CNTN5: variants seen among roughly 807,000 people sequenced by gnomAD.
CNTN5 encodes contactin 5, also known as contactin-5.
A neutral mutation model predicts 129.1 loss-of-function variants in CNTN5; 77 were observed. The ratio of observed to expected loss-of-function variants is 0.60; its 90% CI spans 0.50 to 0.72. The LOEUF is 0.72. CNTN5 is among the 30% of genes least tolerant of loss of function. The probability of loss-of-function intolerance (pLI) is 0.00; values close to 1 mark genes in which losing one functional copy is unlikely to be tolerated. For missense variants in CNTN5, 1,478 were observed against 1,328.8 expected (o/e 1.11, Z -1.75); for synonymous variants, 509 against 465.6 (o/e 1.09, Z -1.20).
intron 2 of CNTN5, among the ~76,000 whole-genome samples, chr11:99,513,733 G>A (rs866358145): frequency 4.0e-5 from 6 of 150,052 alleles, no homozygotes; most frequent in African/African-American, 4.9e-5. Flanking sequence ...AATGCTCAGA[G>A]AAAAAAAAAA....
chr11:99,835,466 A>C (rs1346001966), intron 4 of CNTN5, among the ~76,000 whole-genome samples: 1 of 152,098 alleles, frequency 6.6e-6, no homozygotes, highest in Non-Finnish European at 1.5e-5. Context: ...AAGGCAAATA[A>C]TGTGGCTTGA....
At chr11:99,090,407 C>A (rs1866190431) in intron 1 of CNTN5, among the ~76,000 whole-genome samples, 1 of 152,122 alleles carries the variant, frequency 6.6e-6, no homozygotes, top group Admixed American at 6.5e-5. Context: ...GTTTTCTCAG[C>A]ATTAACTCTG....
intron 1 of CNTN5, among the ~76,000 whole-genome samples, chr11:99,122,057 A>C (rs1052733694): frequency 2.0e-5 from 3 of 152,112 alleles, no homozygotes; most frequent in African/African-American, 7.2e-5. Context: ...ACATGTATAC[A>C]TGTGCCATGT....
chr11:99,023,605 T>A (rs1862983594), intron 1 of CNTN5, among the ~76,000 whole-genome samples: 1 of 152,096 alleles, frequency 6.6e-6, no homozygotes, highest in Non-Finnish European at 1.5e-5. Flanking sequence ...CTGTAGAGAG[T>A]TTGATTGGCT....
chr11:99,702,527 AGTTTT>A (rs952482297), intron 3 of CNTN5, among the ~76,000 whole-genome samples: 5 of 150,992 alleles, frequency 3.3e-5, no homozygotes, highest in Admixed American at 6.6e-5. Context: ...TATCATAATC[AGTTTT>A]GTTATAATAT....
intron 3 of CNTN5, among the ~76,000 whole-genome samples, chr11:99,768,632 C>T (rs1408547752): frequency 6.6e-6 from 1 of 152,190 alleles, no homozygotes; most frequent in African/African-American, 2.4e-5. Flanking sequence ...GTGATGATTT[C>T]CTCTTGAATT....
intron 8 of CNTN5, among the ~76,000 whole-genome samples, chr11:99,965,479 T>C (rs1306509047): frequency 1.3e-5 from 2 of 152,218 alleles, no homozygotes; most frequent in Non-Finnish European, 2.9e-5. Context: ...TTTGAGTGAA[T>C]TTCTTAATCC....
intron 1 of CNTN5, among the ~76,000 whole-genome samples, chr11:99,137,952 C>T (rs1859318578): frequency 6.6e-6 from 1 of 152,120 alleles, no homozygotes; most frequent in African/African-American, 2.4e-5. Context: ...TATCTTTGTT[C>T]TGTAACATAA....
intron 3 of CNTN5, among the ~76,000 whole-genome samples, chr11:99,818,997 T>C (rs575954631): frequency 1.3e-5 from 2 of 152,136 alleles, no homozygotes; most frequent in East Asian, 2.0e-4. Flanking sequence ...ATGTGCTACA[T>C]TGAACACACC....
intron 2 of CNTN5, among the ~76,000 whole-genome samples, chr11:99,463,148 A>AAATAAATAAATAAATAAATAAAT (rs756861193): frequency 1.0e-3 from 69 of 67,424 alleles, no homozygotes; most frequent in Admixed American, 3.1e-3. Flanking sequence ...AATAAATAAA[A>AAATAAATAAATAAATAAATAAAT]GTAAAAAAGT....
Position 99,942,043 on chromosome 11 carries a change from CTG to C in CNTN5, c.674-14761_674-14760del, listed in dbSNP as rs771328474. Among the ~76,000 whole-genome samples, 3 of 152,048 alleles carry C rather than the reference CTG, an allele frequency of 2.0e-5. No homozygotes were observed. The East Asian group carries it at 5.8e-4, about 29-fold the overall frequency. On this transcript the variant is annotated intron_variant, in intron 7 of 24. Transcript: ENST00000524871. ...ACTGGATACTCTAGTGAGTTGAAAACTGTTTTTGAAAATTAGAGTAATAATAC... is the reference window on the plus strand; with the variant it reads ...ACTGGATACTCTAGTGAGTTGAAAACTTTTTGAAAATTAGAGTAATAATAC...
At chr11:99,668,926 T>C (rs779733132) in intron 3 of CNTN5, among the ~76,000 whole-genome samples, 41 of 152,176 alleles carry the variant, frequency 2.7e-4, no homozygotes, top group Non-Finnish European at 5.6e-4. Context: ...TTGTGTTGCA[T>C]GGCTCAATAT....
intron 3 of CNTN5, among the ~76,000 whole-genome samples, chr11:99,597,014 T>C (rs1950147560): frequency 6.6e-6 from 1 of 152,114 alleles, no homozygotes; most frequent in African/African-American, 2.4e-5. Context: ...TTGAGATAAG[T>C]TTTCTTTATA....
At chr11:99,834,759 T>C (rs1466995833) in intron 4 of CNTN5, among the ~76,000 whole-genome samples, 1 of 152,066 alleles carries the variant, frequency 6.6e-6, no homozygotes, top group East Asian at 1.9e-4. Flanking sequence ...CTAAGATAGA[T>C]GGGGTTACTA....
intron 15 of CNTN5, among the ~76,000 whole-genome samples, chr11:100,220,241 C>A (rs960039804): frequency 5.9e-5 from 9 of 151,600 alleles, no homozygotes; most frequent in Non-Finnish European, 1.0e-4. Context: ...TGCACCAGTG[C>A]ACTCCAGCCT....
At chr11:99,059,567 T>C (rs541159143) in intron 1 of CNTN5, among the ~76,000 whole-genome samples, 1 of 148,754 alleles carries the variant, frequency 6.7e-6, no homozygotes, top group East Asian at 1.9e-4. Flanking sequence ...TTTCATCCCA[T>C]TCAGAATTAT....
chr11:99,824,262 G>A (rs1162086199), intron 4 of CNTN5, among the ~76,000 whole-genome samples: 3 of 151,856 alleles, frequency 2.0e-5, no homozygotes, highest in East Asian at 1.9e-4. Flanking sequence ...ATAGGTGTTC[G>A]TATTTCTCCA....
At chr11:100,005,324 CTCT>C (rs1222338679) in intron 9 of CNTN5, among the ~76,000 whole-genome samples, 2 of 152,092 alleles carry the variant, frequency 1.3e-5, no homozygotes, top group Non-Finnish European at 2.9e-5. Context: ...CTCCCGTATT[CTCT>C]TATTTATATC....
At chr11:99,896,107 T>A (rs911119972) in intron 6 of CNTN5, among the ~76,000 whole-genome samples, 13 of 152,044 alleles carry the variant, frequency 8.6e-5, no homozygotes, top group Admixed American at 7.9e-4. Context: ...CCTTCACTCC[T>A]CCTGTCCCCA....
Sources: gnomAD v4.1 joint callset for allele counts (sites outside exome capture counted in the v4.1 genomes callset) on GRCh38, gnomAD v4.1.1 for gene constraint, MANE v1.5 for transcripts, NCBI Gene and HGNC (gene_info 2026-07-23, HGNC 2026-07-21) for gene names.